Variants in CYFIP2 observed in about 807,000 individuals in gnomAD.
CYFIP2 encodes cytoplasmic FMR1 interacting protein 2, also known as cytoplasmic FMR1-interacting protein 2.
Under a neutral mutation model 158.7 loss-of-function variants are expected in CYFIP2, and 29 were observed. The ratio of observed to expected loss-of-function variants is 0.18; its 90% CI spans 0.14 to 0.25. The LOEUF is 0.25. CYFIP2 is among the 10% of genes least tolerant of loss of function. The pLI, the probability that CYFIP2 is intolerant of heterozygous loss-of-function variation, is 1.00. For missense variants in CYFIP2, 852 were observed against 1,639.5 expected (o/e 0.52, Z 8.29); for synonymous variants, 585 against 617.6 (o/e 0.95, Z 0.78).
chr5:157,298,715 A>T (rs1356243496), intron 5 of CYFIP2, among the ~76,000 whole-genome samples: 1 of 151,926 alleles, frequency 6.6e-6, no homozygotes, highest in African/African-American at 2.4e-5. Flanking sequence ...TCACCCCATA[A>T]TACCTTCATC....
intron 5 of CYFIP2, 126 bp from the exon 6 acceptor site, chr5:157,300,589 A>C: frequency 1.2e-6 from 1 of 805,704 alleles, no homozygotes; most frequent in East Asian, 3.3e-5. Flanking sequence ...GACTCCTCTG[A>C]GAAAAATTGC....
At chr5:157,325,777 A>C in intron 17 of CYFIP2, 139 bp downstream of exon 17, 2 of 905,016 alleles carry the variant, frequency 2.2e-6, no homozygotes, top group South Asian at 2.2e-5. Context: ...GGGAGAGCTC[A>C]GCCAGACAGA....
intron 7 of CYFIP2, 121 bp from the exon 8 acceptor site, chr5:157,304,117 G>A: frequency 7.8e-7 from 1 of 1,288,016 alleles, no homozygotes; most frequent in South Asian, 1.5e-5. Flanking sequence ...CGCCTCCCTG[G>A]AGCTGTGATT....
At chr5:157,290,572 G>A (rs1447034620) in intron 3 of CYFIP2, among the ~76,000 whole-genome samples, 1 of 152,134 alleles carries the variant, frequency 6.6e-6, no homozygotes, top group Non-Finnish European at 1.5e-5. Flanking sequence ...CTCTTTCCAT[G>A]TGAAGGAACA....
chr5:157,355,317 C>G (rs1002442781), intron 23 of CYFIP2, among the ~76,000 whole-genome samples: 9 of 152,098 alleles, frequency 5.9e-5, no homozygotes, highest in Non-Finnish European at 1.3e-4. Context: ...GGGGGAAATT[C>G]GACCAGAAAG....
At chr5:157,292,486 TG>T (rs1561696731) in intron 3 of CYFIP2, among the ~76,000 whole-genome samples, 1 of 152,246 alleles carries the variant, frequency 6.6e-6, no homozygotes, top group African/African-American at 2.4e-5. Flanking sequence ...CCCAAAGTGC[TG>T]GGATTACAGA....
chr5:157,305,929 T>C (rs1294462392), intron 8 of CYFIP2, among the ~76,000 whole-genome samples: 1 of 152,254 alleles, frequency 6.6e-6, no homozygotes, highest in Non-Finnish European at 1.5e-5. Flanking sequence ...ACTAAATTTA[T>C]TTGGCTATGT....
rs1327302052 is a variant in CYFIP2 at position 157,271,904 on chromosome 5, C to G, written c.-24+5709C>G. Among the ~76,000 whole-genome samples, 5 of 152,202 alleles carry G rather than the reference C, an allele frequency of 3.3e-5. No individual in the cohort carries two copies. The South Asian group carries it at 1.0e-3, about 32-fold the overall frequency. ...CAGGTGCATCTGAGAGGCAGCTCCTCTCCCCACATACGCGTCATGTTGGTG... is the reference window on the plus strand; with the variant it reads ...CAGGTGCATCTGAGAGGCAGCTCCTGTCCCCACATACGCGTCATGTTGGTG... On this transcript the variant is annotated intron_variant, in intron 1 of 30. Transcript: ENST00000620254.
intron 22 of CYFIP2, 76 bp downstream of exon 22, chr5:157,339,332 A>G: frequency 1.5e-6 from 2 of 1,343,142 alleles, no homozygotes; most frequent in Non-Finnish European, 2.1e-6. Flanking sequence ...AACTAGGCCC[A>G]GTACATGTGT....
chr5:157,314,675 A>G (rs1433188857), intron 12 of CYFIP2, among the ~76,000 whole-genome samples: 3 of 152,310 alleles, frequency 2.0e-5, no homozygotes, highest in Admixed American at 2.0e-4. Context: ...CTTGACTTCA[A>G]AAAGAAACCC....
chr5:157,288,781 A>G (rs990172608), intron 3 of CYFIP2: 13 of 360,360 alleles, frequency 3.6e-5, no homozygotes, highest in South Asian at 1.5e-4. Flanking sequence ...CTGCCTGACT[A>G]CAAAACCTTT....
chr5:157,354,849 A>C (rs1458127422), intron 23 of CYFIP2, among the ~76,000 whole-genome samples: 1 of 152,092 alleles, frequency 6.6e-6, no homozygotes, highest in Non-Finnish European at 1.5e-5. Context: ...CCTGCTGAAC[A>C]GTTTCCATAT....
intron 14 of CYFIP2, 46 bp downstream of exon 14, chr5:157,319,974 C>G: frequency 1.3e-6 from 2 of 1,597,530 alleles, no homozygotes; most frequent in South Asian, 2.2e-5. Flanking sequence ...ATAAGCATGC[C>G]AGGTACCCAT....
rs763206176 is a variant in CYFIP2 at position 157,311,743 on chromosome 5, C to T, written c.1072C>T (p.Arg358Cys). The T allele has an allele frequency of 1.1e-5, 17 of 1,606,386 alleles. No homozygotes were observed. Among genetic ancestry groups the T allele is most frequent in the Non-Finnish European group, 1.4e-5 (17 of 1,176,514 alleles). ...QMVQIRDDHI[R>C]FISELARYSN... The stretch of plus-strand genomic sequence containing the variant: ...GGTTCAGATCCGGGATGACCACATC[C>T]GCTTCATCTCCGAGCTCGCTCGCTA... The change falls in exon 11 of 31, where the codon CGC becomes TGC. Residue 358 changes from arginine (R) to cysteine (C), a missense_variant. Coordinates refer to ENST00000620254, the MANE Select transcript of CYFIP2 (RefSeq NM_001037333.3). The surrounding 1 kb of genome is among the most constrained non-coding windows in gnomAD (Gnocchi z 4.7).
chr5:157,324,070 C>A lies in CYFIP2; in HGVS notation c.1821C>A (p.Ile607=). 1 of 1,610,868 alleles carries A rather than the reference C, an allele frequency of 6.2e-7. No homozygotes were observed. Among genetic ancestry groups the A allele is most frequent in the Non-Finnish European group, 8.5e-7 (1 of 1,178,286 alleles). Residue 607 remains isoleucine (I), a synonymous_variant, in exon 16 of 31, where the codon ATC becomes ATA. Transcript: ENST00000620254. ...TCTTCTTCACACATCTGCTCAACAT[C>A]AGTGGTGAGCTGCATCCCATCCCTG... ...QSFFFTHLLN[I]SEALQQCCDL...
intron 1 of CYFIP2, among the ~76,000 whole-genome samples, chr5:157,270,153 G>A (rs1285322254): frequency 7.2e-5 from 11 of 152,352 alleles, no homozygotes; most frequent in Admixed American, 4.6e-4. Context: ...AGATGCCTGA[G>A]AAAGACCCAG....
In CYFIP2 at chr5:157,324,156, T is replaced by C; in HGVS notation, c.1825+82T>C. ...GCCGCTAAGACCACCAAGCCAGGCA[T>C]TGCAAAGGGACGTGACCGTTGACCC... is the stretch of plus-strand genomic sequence containing the variant. On this transcript the variant is annotated intron_variant, in intron 16 of 30. Transcript: ENST00000620254. The C allele has an allele frequency of 4.7e-6, 7 of 1,476,304 alleles. No individual in the cohort carries two copies. In the South Asian group the frequency reaches 6.8e-5, roughly 14 times the overall value. 91.5% of individuals were successfully genotyped at this position (1,476,304 alleles called of 1,614,324 possible).
chr5:157,378,115 G>A (rs75207022), intron 26 of CYFIP2, among the ~76,000 whole-genome samples: 1 of 152,304 alleles, frequency 6.6e-6, no homozygotes, highest in East Asian at 1.9e-4. Flanking sequence ...GGGGGTAAGA[G>A]GGTCAGGGAA....
At chr5:157,314,780 A>G (rs923591889) in intron 12 of CYFIP2, among the ~76,000 whole-genome samples, 189 bp from the exon 13 acceptor site, 2 of 152,220 alleles carry the variant, frequency 1.3e-5, no homozygotes, top group African/African-American at 4.8e-5. Flanking sequence ...AAATAGAATC[A>G]TATGATATGT....
Sources: allele counts gnomAD v4.1 joint callset (sites outside exome capture counted in the v4.1 genomes callset), GRCh38; gene constraint gnomAD v4.1.1; non-coding constraint Gnocchi (gnomAD v3.1); transcripts MANE v1.5; gene names NCBI Gene and HGNC (gene_info 2026-07-23, HGNC 2026-07-21).